Variants in ZNF589 observed in about 807,000 individuals in gnomAD.
The protein encoded by ZNF589 is KRAB-zinc finger protein SZF1-1.
ZNF589 carries 17 observed loss-of-function variants against 13.6 expected under a neutral mutation model. That is an observed-to-expected ratio of 1.25 (90% confidence interval 0.86 to 1.88). The LOEUF is 1.88. ZNF589 is among the 40% of genes most tolerant of loss of function. The pLI is 0.00. For synonymous variants in ZNF589, 148 were observed against 161.6 expected, an observed-to-expected ratio of 0.92 and a Z score of 0.64; for missense variants, 407 against 434.0, an observed-to-expected ratio of 0.94 and a Z score of 0.55.
chr3:48,254,204 T>C (rs1402590964), intron 2 of ZNF589, among the ~76,000 whole-genome samples: 1 of 152,070 alleles, frequency 6.6e-6, no homozygotes, highest in African/African-American at 2.4e-5. Flanking sequence ...TGCGGTGAGC[T>C]GAGATCGTGC....
intron 3 of ZNF589, 95 bp from the exon 4 acceptor site, chr3:48,267,820 C>A: frequency 7.7e-7 from 1 of 1,295,084 alleles, no homozygotes; most frequent in Non-Finnish European, 1.1e-6. Flanking sequence ...AGACTTTAAT[C>A]ATTGAGAATG....
At chr3:48,242,972 C>T (rs1357625528) in intron 1 of ZNF589, among the ~76,000 whole-genome samples, 1 of 151,656 alleles carries the variant, frequency 6.6e-6, no homozygotes, top group Non-Finnish European at 1.5e-5. Flanking sequence ...TACTCTGAGG[C>T]TGAGGCGCAA....
intron 2 of ZNF589, among the ~76,000 whole-genome samples, chr3:48,256,192 G>A (rs2033901258): frequency 6.6e-6 from 1 of 152,152 alleles, no homozygotes; most frequent in Non-Finnish European, 1.5e-5. Flanking sequence ...CAAGGGTACT[G>A]AAGTTCATCC....
chr3:48,261,061 C>T, intron 3 of ZNF589, 122 bp downstream of exon 3: 2 of 1,121,460 alleles, frequency 1.8e-6, no homozygotes, highest in Non-Finnish European at 1.3e-6. Context: ...AGCATTTCTT[C>T]TCTCGTGGAG....
intron 3 of ZNF589, among the ~76,000 whole-genome samples, chr3:48,263,002 C>T (rs1400077036): frequency 6.6e-6 from 1 of 152,190 alleles, no homozygotes; most frequent in East Asian, 1.9e-4. Flanking sequence ...CTATCATGTC[C>T]ACAATGATCT....
Position 48,256,711 on chromosome 3 carries a change from G to A in ZNF589, c.97-4102G>A, listed in dbSNP as rs776246120. On this transcript the variant is annotated intron_variant, in intron 2 of 3. Transcript: ENST00000354698. ...CATCATAGTTTTACTTGTGGTTCAG[G>A]TTCCAGTGGCAGATGGGGCACTGGC... 2.5e-6 allele frequency: 4 copies of A among 1,573,190 alleles called. No homozygotes were observed. The Admixed American group carries it at 6.7e-5, about 26-fold the overall frequency.
Position 48,260,831 on chromosome 3 carries a change from G to C in ZNF589, c.115G>C (p.Asp39His), listed in dbSNP as rs1484736498. Reference sequence around the variant, plus strand: ...GATTTAGGGACCAGTGACTTTCGAGGATGTGGCTGTGCTTTTCACTGAGGC... The same window carrying C: ...GATTTAGGGACCAGTGACTTTCGAGCATGTGGCTGTGCTTTTCACTGAGGC... ...PRYLGPVTFE[D>H]VAVLFTEAEW... The change falls in exon 3 of 4, where the codon GAT (aspartate) becomes CAT (histidine). Residue 39 changes from aspartate to histidine, a missense_variant. Coordinates refer to ENST00000354698, the MANE Select transcript of ZNF589 (RefSeq NM_016089.3). The C allele has an allele frequency of 6.2e-7, 1 of 1,614,060 alleles. No homozygotes were observed. Among genetic ancestry groups the C allele is most frequent in the Non-Finnish European group, 8.5e-7 (1 of 1,180,044 alleles).
At chr3:48,254,383 A>G (rs1341863333) in intron 2 of ZNF589, among the ~76,000 whole-genome samples, 1 of 152,248 alleles carries the variant, frequency 6.6e-6, no homozygotes, top group East Asian at 1.9e-4. Flanking sequence ...TAGCTTTATA[A>G]TAAGTCTTGG....
intron 2 of ZNF589, chr3:48,257,017 A>G (rs201831518): frequency 1.4e-5 from 8 of 553,772 alleles, no homozygotes; most frequent in Non-Finnish European, 2.8e-5. Context: ...AATAAACCCA[A>G]GTGTGGTATG....
At chr3:48,266,580 C>T (rs577747701) in intron 3 of ZNF589, among the ~76,000 whole-genome samples, 1 of 152,202 alleles carries the variant, frequency 6.6e-6, no homozygotes, top group Non-Finnish European at 1.5e-5. Context: ...AATCCCAGCA[C>T]TTTGGGAGGC....
At chr3:48,259,888 C>T (rs1194417003) in intron 2 of ZNF589, among the ~76,000 whole-genome samples, 2 of 144,448 alleles carry the variant, frequency 1.4e-5, no homozygotes, top group Non-Finnish European at 1.5e-5. Context: ...CACTGCAGTT[C>T]GGCCTGGGTG....
chr3:48,241,450 C>T (rs961253659), intron 1 of ZNF589, among the ~76,000 whole-genome samples: 1 of 152,262 alleles, frequency 6.6e-6, no homozygotes, highest in African/African-American at 2.4e-5. Flanking sequence ...TTGTGCACTC[C>T]GGCAGTCATT....
Position 48,269,341 on chromosome 3 carries a change from C to G in ZNF589, c.*555C>G, listed in dbSNP as rs2034063603. Reference sequence around the variant, plus strand: ...CCCTCCACTACCACCGGAGTACACACTCCAAGGAAAAACCTTATGTGTGCA... The same window carrying G: ...CCCTCCACTACCACCGGAGTACACAGTCCAAGGAAAAACCTTATGTGTGCA... On this transcript the variant is annotated 3_prime_UTR_variant, in exon 4 of 4. Coordinates refer to ENST00000354698, the MANE Select transcript of ZNF589 (RefSeq NM_016089.3). 1 of 1,195,608 alleles carries G rather than the reference C, an allele frequency of 8.4e-7. No homozygotes were observed. Among genetic ancestry groups the G allele is most frequent in the African/African-American group, 1.5e-5 (1 of 64,804 alleles). The allele number at this position is 1,195,608 out of a possible 1,614,324, so 74.1% of individuals were successfully genotyped here.
intron 1 of ZNF589, among the ~76,000 whole-genome samples, chr3:48,244,191 C>T (rs2033734890): frequency 6.6e-6 from 1 of 152,132 alleles, no homozygotes; most frequent in Non-Finnish European, 1.5e-5. Context: ...ACCTGTCCCT[C>T]TGGAAGGGAG....
chr3:48,255,686 GT>G (rs202178077), intron 2 of ZNF589, among the ~76,000 whole-genome samples: 1,701 of 150,972 alleles, frequency 0.011, 34 homozygotes, highest in African/African-American at 0.039. Flanking sequence ...TACAGACATG[GT>G]TTTGCCACGT....
Position 48,269,399 on chromosome 3 carries a change from A to G in ZNF589, c.*613A>G, listed in dbSNP as rs753221711. 5 of 490,490 alleles carry G rather than the reference A, an allele frequency of 1.0e-5. No individual in the cohort carries two copies. The highest frequency in any genetic ancestry group is 2.3e-5 in the South Asian group (1 of 44,430). 30.4% of individuals were successfully genotyped at this position (490,490 alleles called of 1,614,324 possible). A position where few individuals can be genotyped will look rare whatever the true frequency, so the allele number is the denominator to read the frequency against. On this transcript the variant is annotated 3_prime_UTR_variant, in exon 4 of 4. Transcript: ENST00000354698. ...TGGGCGAGGCTTTTGTGATAAATCA[A>G]CTCTCCTCGCACACGAGCAGACACA...
intron 2 of ZNF589, chr3:48,256,775 G>T: frequency 6.2e-7 from 1 of 1,600,394 alleles, no homozygotes; most frequent in Non-Finnish European, 8.5e-7. Flanking sequence ...CTTGGGAGTC[G>T]CTGTGATACG....
At chr3:48,247,875 C>G (rs752275901) in intron 2 of ZNF589, among the ~76,000 whole-genome samples, 198 bp downstream of exon 2, 1 of 152,104 alleles carries the variant, frequency 6.6e-6, no homozygotes, top group Non-Finnish European at 1.5e-5. Context: ...AAAACATGAC[C>G]AAGTTTAATT....
chr3:48,268,364 A>T lies in ZNF589; in HGVS notation c.673A>T (p.Asn225Tyr), dbSNP rs2034045166. 7.4e-6 allele frequency: 12 copies of T among 1,614,204 alleles called. No homozygotes were observed. Among genetic ancestry groups the T allele is most frequent in the Non-Finnish European group, 1.0e-5 (12 of 1,180,016 alleles). ...VTFGECALAF[N>Y]QKSNLFRQKA... ...GTTTGGGGAGTGTGCACTAGCTTTTAACCAGAAGTCAAACCTGTTCAGACA... is the reference window on the plus strand; with the variant it reads ...GTTTGGGGAGTGTGCACTAGCTTTTTACCAGAAGTCAAACCTGTTCAGACA... The change falls in exon 4 of 4, where the codon AAC becomes TAC. Residue 225 changes from asparagine (N) to tyrosine (Y), a missense_variant. Asn to Tyr is a moderately radical substitution (Grantham distance 143, BLOSUM62 -2). Transcript: ENST00000354698.
Sources: allele counts gnomAD v4.1 joint callset (sites outside exome capture counted in the v4.1 genomes callset), GRCh38; gene constraint gnomAD v4.1.1; transcripts MANE v1.5; gene names NCBI Gene and HGNC (gene_info 2026-07-23, HGNC 2026-07-21).